MEGF6: variants seen among roughly 807,000 people sequenced by gnomAD.
The protein encoded by MEGF6 is multiple EGF like domains 6.
MEGF6 carries 184 observed loss-of-function variants against 207.1 expected under a neutral mutation model. The ratio of observed to expected loss-of-function variants is 0.89; its 90% CI spans 0.79 to 1.00. The LOEUF is 1.00. MEGF6 is among the 50% of genes least tolerant of loss of function. The pLI is 0.00. For synonymous variants in MEGF6, 1,038 were observed against 910.0 expected (o/e 1.14, Z -2.53); for missense variants, 2,282 against 2,202.9 (o/e 1.04, Z -0.72).
intron 5 of MEGF6, among the ~76,000 whole-genome samples, 161 bp from the exon 6 acceptor site, chr1:3,515,688 A>G (rs527469716): frequency 6.6e-6 from 1 of 152,242 alleles, no homozygotes; most frequent in East Asian, 1.9e-4. Flanking sequence ...CCATCGTCAC[A>G]CGCTGCTCCC....
intron 26 of MEGF6, among the ~76,000 whole-genome samples, chr1:3,498,099 C>T (rs1640687379): frequency 6.6e-6 from 1 of 152,236 alleles, no homozygotes; most frequent in South Asian, 2.1e-4. Context: ...CCCCCTGAGC[C>T]CCAAAGCATC....
chr1:3,522,827 C>G (rs1050374977), intron 5 of MEGF6, among the ~76,000 whole-genome samples: 5 of 152,106 alleles, frequency 3.3e-5, no homozygotes, highest in Non-Finnish European at 5.9e-5. Flanking sequence ...AGAGGAGGGT[C>G]GAGAAAAGGA....
At chr1:3,582,195 C>T (rs1487443585) in intron 3 of MEGF6, among the ~76,000 whole-genome samples, 2 of 152,210 alleles carry the variant, frequency 1.3e-5, no homozygotes, top group Non-Finnish European at 2.9e-5. Context: ...TCATCCTGGG[C>T]TAGAAGGAGG....
intron 3 of MEGF6, among the ~76,000 whole-genome samples, chr1:3,591,493 T>G (rs1269361368): frequency 6.6e-6 from 1 of 152,186 alleles, no homozygotes; most frequent in African/African-American, 2.4e-5. Context: ...CTGCTTGAGC[T>G]CTTACTGTAT....
intron 35 of MEGF6, among the ~76,000 whole-genome samples, chr1:3,491,651 A>G (rs1302195914): frequency 2.6e-5 from 4 of 152,090 alleles, no homozygotes; most frequent in Non-Finnish European, 5.9e-5. Context: ...CAGAGCCTGC[A>G]GCCTGGCGCC....
intron 4 of MEGF6, among the ~76,000 whole-genome samples, chr1:3,543,287 C>G (rs1002301033): frequency 2.0e-5 from 3 of 152,210 alleles, no homozygotes; most frequent in African/African-American, 7.2e-5. Flanking sequence ...CACACACTGC[C>G]CTGCCAGGGG....
chr1:3,555,452 G>A (rs576327842), intron 4 of MEGF6, among the ~76,000 whole-genome samples: 1 of 152,370 alleles, frequency 6.6e-6, no homozygotes, highest in Admixed American at 6.5e-5. Context: ...AGTACAGGCA[G>A]GATGAGAGCC....
rs773105477 is a variant in MEGF6 at position 3,556,504 on chromosome 1, C to T, written c.481+23321G>A. 6.6e-6 allele frequency among the ~76,000 whole-genome samples: 1 copy of T among 152,188 alleles called. No individual in the cohort carries two copies. Among genetic ancestry groups the T allele is most frequent in the African/African-American group, 2.4e-5 (1 of 41,446 alleles). On this transcript the variant is annotated intron_variant, in intron 4 of 36. Transcript: ENST00000356575. The surrounding 1 kb of genome is among the most constrained non-coding windows in gnomAD (Gnocchi z 4.4). Reference sequence around the variant, plus strand: ...GAGACGCCCTGGGCCTCCTCTCGGCCGCCCACCAGGTTTTCTGCCTGCTTC... The same window carrying T: ...GAGACGCCCTGGGCCTCCTCTCGGCTGCCCACCAGGTTTTCTGCCTGCTTC...
intron 17 of MEGF6, among the ~76,000 whole-genome samples, chr1:3,502,484 C>T (rs1335022476): frequency 6.6e-6 from 1 of 152,158 alleles, no homozygotes; most frequent in Non-Finnish European, 1.5e-5. Flanking sequence ...GGAGGCTGTG[C>T]ACCCACTCAC....
intron 14 of MEGF6, among the ~76,000 whole-genome samples, chr1:3,506,499 C>A (rs1196304721): frequency 3.3e-5 from 5 of 152,186 alleles, no homozygotes; most frequent in South Asian, 2.1e-4. Flanking sequence ...ACAAAGCTCA[C>A]GCCCCACTCT....
At chr1:3,516,469 A>G (rs1641545650) in intron 5 of MEGF6, among the ~76,000 whole-genome samples, 1 of 152,142 alleles carries the variant, frequency 6.6e-6, no homozygotes, top group Admixed American at 6.5e-5. Context: ...GCCCAGAGCA[A>G]TCCCAAACCC....
At chr1:3,496,481 G>C (rs1640609928) in intron 29 of MEGF6, among the ~76,000 whole-genome samples, 174 bp downstream of exon 29, 1 of 152,240 alleles carries the variant, frequency 6.6e-6, no homozygotes, top group Non-Finnish European at 1.5e-5. Context: ...GACACCCCCA[G>C]CGCTGCAGGT....
intron 4 of MEGF6, among the ~76,000 whole-genome samples, chr1:3,526,841 G>A (rs1043717850): frequency 5.9e-5 from 9 of 152,152 alleles, no homozygotes; most frequent in Admixed American, 2.6e-4. Flanking sequence ...GCTATGAGCC[G>A]AGCATCTGGG....
At chr1:3,498,522 G>A (rs974846055) in intron 25 of MEGF6, 23 bp from the exon 26 acceptor site, 12 of 1,545,956 alleles carry the variant, frequency 7.8e-6, no homozygotes, top group East Asian at 4.8e-5. Context: ...AGGCAGGCAC[G>A]AGGGTGAGGG....
intron 2 of MEGF6, among the ~76,000 whole-genome samples, chr1:3,601,253 A>G (rs1644152656): frequency 6.6e-6 from 1 of 152,190 alleles, no homozygotes; most frequent in Admixed American, 6.5e-5. Flanking sequence ...GCTTCTAGAA[A>G]CAGAGCTCTT....
At position 3,573,230 on chromosome 1, in the gene MEGF6, TC is replaced by T. The variant is rs1557786296; in HGVS notation, c.481+6594del. Among the ~76,000 whole-genome samples, 1 of 150,452 alleles carries T rather than the reference TC, an allele frequency of 6.6e-6. No homozygotes were observed. The highest frequency in any genetic ancestry group is 6.6e-5 in the Admixed American group (1 of 15,174). Reference sequence around the variant, plus strand: ...TGCGTCCTTCCTGTGTGTGCTGGGTTCCCCCAGGTTTGCTGGGTCCTCCCAG... The same window carrying T: ...TGCGTCCTTCCTGTGTGTGCTGGGTTCCCCAGGTTTGCTGGGTCCTCCCAG... On this transcript the variant is annotated intron_variant, in intron 4 of 36. Coordinates refer to ENST00000356575, the MANE Select transcript of MEGF6 (RefSeq NM_001409.4). This position sits in a 1 kb window ranked among gnomAD's most constrained non-coding sequence, Gnocchi z 5.1.
At chr1:3,525,972 G>T (rs1641946897) in intron 4 of MEGF6, among the ~76,000 whole-genome samples, 1 of 152,196 alleles carries the variant, frequency 6.6e-6, no homozygotes, top group African/African-American at 2.4e-5. Context: ...TGCAGCCCCT[G>T]GGCTAACCTG....
At chr1:3,511,953 G>C in intron 8 of MEGF6, 53 bp downstream of exon 8, 1 of 1,609,868 alleles carries the variant, frequency 6.2e-7, no homozygotes, top group South Asian at 1.1e-5. Context: ...GGGTCCTGGG[G>C]AGCAGCATGG....
intron 4 of MEGF6, among the ~76,000 whole-genome samples, chr1:3,542,473 G>GC (rs950027765): frequency 2.6e-5 from 4 of 152,088 alleles, no homozygotes; most frequent in Admixed American, 1.3e-4. Flanking sequence ...GGTCCTGGCC[G>GC]CCCCCCACTC....
Sources: allele counts gnomAD v4.1 joint callset (sites outside exome capture counted in the v4.1 genomes callset), GRCh38; gene constraint gnomAD v4.1.1; non-coding constraint Gnocchi (gnomAD v3.1); transcripts MANE v1.5; gene names NCBI Gene and HGNC (gene_info 2026-07-23, HGNC 2026-07-21).